Variants in FBXL17 observed in about 807,000 individuals in gnomAD.
The protein encoded by FBXL17 is F-box and leucine rich repeat protein 17.
A neutral mutation model predicts 66.2 loss-of-function variants in FBXL17; 22 were observed. The ratio of observed to expected loss-of-function variants is 0.33; its 90% CI spans 0.24 to 0.47. FBXL17 has a LOEUF of 0.47. FBXL17 is among the 20% of genes least tolerant of loss of function. FBXL17 has a pLI of 1.00. For synonymous variants in FBXL17, 474 were observed against 400.5 expected (o/e 1.18, Z -2.19); for missense variants, 878 against 948.2 (o/e 0.93, Z 0.97).
At chr5:108,017,104 A>C (rs1262790130) in intron 7 of FBXL17, among the ~76,000 whole-genome samples, 1 of 152,102 alleles carries the variant, frequency 6.6e-6, no homozygotes, top group Non-Finnish European at 1.5e-5. Context: ...TTTCAAAAGA[A>C]AATTGAGCAA....
At chr5:108,103,633 T>A (rs920648615) in intron 6 of FBXL17, among the ~76,000 whole-genome samples, 1 of 152,214 alleles carries the variant, frequency 6.6e-6, no homozygotes, top group Non-Finnish European at 1.5e-5. Flanking sequence ...GGCAATCTCA[T>A]ACTCCTGTAG....
intron 4 of FBXL17, among the ~76,000 whole-genome samples, chr5:108,275,798 T>G (rs1370328838): frequency 3.9e-5 from 6 of 152,164 alleles, no homozygotes; most frequent in African/African-American, 7.2e-5. Context: ...CAAGCATGGA[T>G]TCCAGAAGCA....
intron 1 of FBXL17, among the ~76,000 whole-genome samples, chr5:108,380,111 T>G (rs1749736918): frequency 6.6e-6 from 1 of 152,228 alleles, no homozygotes; most frequent in South Asian, 2.1e-4. Flanking sequence ...CACTTCTGCC[T>G]GACTCACTAC....
chr5:108,243,832 A>C (rs1489715081), intron 4 of FBXL17, among the ~76,000 whole-genome samples: 1 of 152,184 alleles, frequency 6.6e-6, no homozygotes, highest in Non-Finnish European at 1.5e-5. Context: ...AAAAACCAGA[A>C]ATAGTATATA....
chr5:108,223,392 T>C (rs1754958058), intron 5 of FBXL17, among the ~76,000 whole-genome samples: 1 of 152,144 alleles, frequency 6.6e-6, no homozygotes, highest in South Asian at 2.1e-4. Flanking sequence ...CTATAATAAG[T>C]CGGAAAAGGC....
At chr5:108,105,022 T>TAG (rs1289804596) in intron 6 of FBXL17, among the ~76,000 whole-genome samples, 1 of 152,142 alleles carries the variant, frequency 6.6e-6, no homozygotes, top group African/African-American at 2.4e-5. Flanking sequence ...TTTGTATTTT[T>TAG]AGTAGGGACA....
chr5:107,859,390 G>GGTTT lies in FBXL17; in HGVS notation c.*2329_*2330insAAAC, dbSNP rs1264472450. 5.0e-5 allele frequency: 3 copies of GGTTT among 60,178 alleles called. No individual in the cohort carries two copies. Among genetic ancestry groups the GGTTT allele is most frequent in the African/African-American group, 2.1e-4 (3 of 14,476 alleles). 3.7% of individuals were successfully genotyped at this position (60,178 alleles called of 1,614,324 possible). A position where few individuals can be genotyped will look rare whatever the true frequency, so the allele number is the denominator to read the frequency against. On this transcript the variant is annotated 3_prime_UTR_variant, in exon 9 of 9. Coordinates refer to ENST00000542267, the MANE Select transcript of FBXL17 (RefSeq NM_001163315.3). The stretch of plus-strand genomic sequence containing the variant: ...CTCAAGGTGATGCTTTTTTCTGGCT[G>GGTTT]TTTTTTTTTTTTTTTTTTTTTTTTT...
intron 7 of FBXL17, among the ~76,000 whole-genome samples, chr5:107,966,731 C>T (rs1433786960): frequency 6.6e-6 from 1 of 152,094 alleles, no homozygotes; most frequent in East Asian, 1.9e-4. Context: ...GTGCACAATT[C>T]AGTGGCATCA....
intron 6 of FBXL17, among the ~76,000 whole-genome samples, chr5:108,155,754 T>C (rs1412973954): frequency 2.0e-5 from 3 of 152,172 alleles, no homozygotes; most frequent in East Asian, 3.8e-4. Flanking sequence ...AGTTCAGATA[T>C]AAATTAGTCC....
chr5:108,167,689 A>G (rs1752462902), intron 6 of FBXL17, among the ~76,000 whole-genome samples: 1 of 152,206 alleles, frequency 6.6e-6, no homozygotes, highest in Non-Finnish European at 1.5e-5. Context: ...GTTTTATAAA[A>G]TGAATATGTC....
rs1753914129 is a variant in FBXL17, at chr5:108,006,187, A to C, written c.1822+14738T>G. On this transcript the variant is annotated intron_variant, in intron 7 of 8. Coordinates refer to ENST00000542267, the MANE Select transcript of FBXL17 (RefSeq NM_001163315.3). ...CTATATGTAACCCAGGATAAACACC[A>C]TATTGCTAAAGTCATAAAAAAATTA... Among the ~76,000 whole-genome samples, 3 of 152,380 alleles carry C rather than the reference A, an allele frequency of 2.0e-5. No individual in the cohort carries two copies. The South Asian group carries it at 6.2e-4, about 32-fold the overall frequency.
intron 8 of FBXL17, chr5:107,879,323 G>C (rs867488248): frequency 1.1e-5 from 11 of 985,450 alleles, no homozygotes; most frequent in Middle Eastern, 5.2e-4. Context: ...TGCTGTCATT[G>C]ATTCCTGTTT....
chr5:107,966,280 A>C (rs1467955020), intron 7 of FBXL17, among the ~76,000 whole-genome samples: 1 of 152,102 alleles, frequency 6.6e-6, no homozygotes, highest in Non-Finnish European at 1.5e-5. Flanking sequence ...ACTCAGGGGA[A>C]GGGGCTGGGA....
intron 6 of FBXL17, among the ~76,000 whole-genome samples, chr5:108,117,274 G>A (rs1561418566): frequency 6.6e-6 from 1 of 152,154 alleles, no homozygotes; most frequent in Non-Finnish European, 1.5e-5. Context: ...GAGTGCTTGG[G>A]AAAATTAAGC....
intron 4 of FBXL17, among the ~76,000 whole-genome samples, chr5:108,232,601 C>G (rs1755394519): frequency 6.6e-6 from 1 of 151,104 alleles, no homozygotes; most frequent in Non-Finnish European, 1.5e-5. Flanking sequence ...TGTGAAGAGG[C>G]AAGACAGGCC....
chr5:108,031,121 A>G (rs1746615799), intron 6 of FBXL17, among the ~76,000 whole-genome samples: 1 of 152,096 alleles, frequency 6.6e-6, no homozygotes, highest in Non-Finnish European at 1.5e-5. Flanking sequence ...AAGTTAGCGA[A>G]TGTGGATATA....
intron 6 of FBXL17, among the ~76,000 whole-genome samples, chr5:108,127,671 A>C (rs1204966682): frequency 6.6e-6 from 1 of 152,218 alleles, no homozygotes; most frequent in Non-Finnish European, 1.5e-5. Flanking sequence ...AGATTTTTTA[A>C]AATTCTGCTT....
At chr5:107,987,042 C>A (rs1561353854) in intron 7 of FBXL17, among the ~76,000 whole-genome samples, 1 of 151,760 alleles carries the variant, frequency 6.6e-6, no homozygotes, top group East Asian at 1.9e-4. Flanking sequence ...ATAACTGAAA[C>A]CTTCATACAT....
At chr5:108,064,202 A>G (rs1748030951) in intron 6 of FBXL17, among the ~76,000 whole-genome samples, 2 of 152,164 alleles carry the variant, frequency 1.3e-5, no homozygotes, top group South Asian at 4.1e-4. Flanking sequence ...ATGTCAGTCA[A>G]TCACTTACTG....
Sources: gnomAD v4.1 joint callset for allele counts (sites outside exome capture counted in the v4.1 genomes callset) on GRCh38, gnomAD v4.1.1 for gene constraint, MANE v1.5 for transcripts, NCBI Gene and HGNC (gene_info 2026-07-23, HGNC 2026-07-21) for gene names.